EPHA6: variants seen among roughly 807,000 people sequenced by gnomAD.
EPHA6 encodes ephrin type-A receptor 6.
A neutral mutation model predicts 112.0 loss-of-function variants in EPHA6; 50 were observed. That is an observed-to-expected ratio of 0.45 (90% CI 0.36 to 0.56). The LOEUF (loss-of-function observed/expected upper bound fraction) is 0.56. EPHA6 is among the 20% of genes least tolerant of loss of function. The probability of loss-of-function intolerance (pLI) is 0.00; values close to 1 mark genes in which losing one functional copy is unlikely to be tolerated. For synonymous variants in EPHA6, 529 were observed against 490.7 expected, an observed-to-expected ratio of 1.08 and a Z score of -1.03; for missense variants, 1,280 against 1,417.4, an observed-to-expected ratio of 0.90 and a Z score of 1.56.
intron 4 of EPHA6, among the ~76,000 whole-genome samples, chr3:97,237,594 T>A (rs1257134784): frequency 6.6e-6 from 1 of 152,040 alleles, no homozygotes; most frequent in East Asian, 1.9e-4. Context: ...ACAAAACAGA[T>A]CATTATCAAG....
intron 5 of EPHA6, among the ~76,000 whole-genome samples, chr3:97,345,526 A>G (rs929658429): frequency 3.1e-4 from 47 of 152,298 alleles, no homozygotes; most frequent in African/African-American, 1.1e-3. Context: ...TGGGCAAGAA[A>G]TATGAGGGAT....
intron 2 of EPHA6, among the ~76,000 whole-genome samples, chr3:96,956,859 C>T (rs2041782111): frequency 6.6e-6 from 1 of 151,742 alleles, no homozygotes; most frequent in South Asian, 2.1e-4. Context: ...ATGGTGAAAC[C>T]CTGTCTCTAC....
chr3:97,281,216 TGTGTGTGTGTGTGC>T (rs1459775644), intron 5 of EPHA6, among the ~76,000 whole-genome samples: 23 of 142,326 alleles, frequency 1.6e-4, no homozygotes, highest in African/African-American at 6.8e-4. Context: ...TGTGTGTGTG[TGTGTGTGTGTGTGC>T]GCGCGTGTGT....
chr3:97,310,426 G>A (rs914706642), intron 5 of EPHA6, among the ~76,000 whole-genome samples: 1 of 151,292 alleles, frequency 6.6e-6, no homozygotes, highest in African/African-American at 2.4e-5. Context: ...GTATACCTGA[G>A]TCTCGAATAA....
chr3:97,377,908 G>T (rs2085463722), intron 5 of EPHA6, among the ~76,000 whole-genome samples: 2 of 152,142 alleles, frequency 1.3e-5, no homozygotes. Context: ...TGGAAAATTT[G>T]CAGACTGACA....
At chr3:97,281,867 T>C (rs7645861) in intron 5 of EPHA6, among the ~76,000 whole-genome samples, 1,702 of 152,302 alleles carry the variant, frequency 0.011, 30 homozygotes, top group African/African-American at 0.039. Context: ...GGTTGAATTT[T>C]TTTACAGTGT....
intron 14 of EPHA6, among the ~76,000 whole-genome samples, chr3:97,693,792 A>G (rs1184002235): frequency 1.3e-5 from 2 of 152,182 alleles, no homozygotes; most frequent in African/African-American, 2.4e-5. Flanking sequence ...TGGGTGACAG[A>G]GCGAGACTCT....
At chr3:97,660,129 T>G (rs2094160544) in intron 14 of EPHA6, among the ~76,000 whole-genome samples, 1 of 152,022 alleles carries the variant, frequency 6.6e-6, no homozygotes, top group Non-Finnish European at 1.5e-5. Flanking sequence ...TGAAACCCTA[T>G]AAAACATTGA....
chr3:97,714,181 G>T (rs983047696), intron 14 of EPHA6, among the ~76,000 whole-genome samples: 1 of 152,140 alleles, frequency 6.6e-6, no homozygotes, highest in Non-Finnish European at 1.5e-5. Context: ...GAAGCCAAAT[G>T]AGTCCAAAAA....
chr3:97,494,350 T>G (rs1577571072), intron 10 of EPHA6, among the ~76,000 whole-genome samples: 2 of 152,330 alleles, frequency 1.3e-5, no homozygotes, highest in East Asian at 3.9e-4. Flanking sequence ...TAAGTGACAC[T>G]TTCTAACCTG....
chr3:97,238,878 T>C (rs1182221921), intron 4 of EPHA6, among the ~76,000 whole-genome samples: 1 of 151,942 alleles, frequency 6.6e-6, no homozygotes, highest in African/African-American at 2.4e-5. Context: ...AAGACACTTG[T>C]AGACAAAGCT....
At chr3:97,611,014 T>C (rs940093357) in intron 13 of EPHA6, among the ~76,000 whole-genome samples, 160 bp downstream of exon 13, 1 of 151,756 alleles carries the variant, frequency 6.6e-6, no homozygotes, top group Non-Finnish European at 1.5e-5. Context: ...TGTGATACAT[T>C]AGAGTGTTAC....
chr3:97,607,101 A>T (rs1486167802), intron 12 of EPHA6, among the ~76,000 whole-genome samples: 2 of 150,778 alleles, frequency 1.3e-5, no homozygotes, highest in East Asian at 3.9e-4. Flanking sequence ...AATAGAGAAT[A>T]CTACATCCAG....
intron 14 of EPHA6, among the ~76,000 whole-genome samples, chr3:97,651,268 C>T (rs1264597734): frequency 6.6e-6 from 1 of 151,942 alleles, no homozygotes; most frequent in Non-Finnish European, 1.5e-5. Context: ...AAACAATCTT[C>T]AATATATTGC....
intron 5 of EPHA6, among the ~76,000 whole-genome samples, chr3:97,358,166 A>G (rs1006322876): frequency 3.3e-5 from 5 of 151,148 alleles, no homozygotes; most frequent in African/African-American, 7.3e-5. Flanking sequence ...AATTTCCTGC[A>G]TTATTTTCTT....
At chr3:97,518,122 G>T (rs2092476120) in intron 10 of EPHA6, among the ~76,000 whole-genome samples, 2 of 152,108 alleles carry the variant, frequency 1.3e-5, no homozygotes, top group Non-Finnish European at 2.9e-5. Flanking sequence ...AAGTGGGATT[G>T]ATGGATCATA....
At chr3:97,473,840 AT>A (rs1023991739) in intron 7 of EPHA6, among the ~76,000 whole-genome samples, 4 of 151,812 alleles carry the variant, frequency 2.6e-5, no homozygotes, top group Non-Finnish European at 5.9e-5. Context: ...AGATGCAACT[AT>A]TTAACTTGTC....
intron 9 of EPHA6, chr3:97,481,211 AC>A: frequency 8.1e-7 from 1 of 1,237,744 alleles, no homozygotes; most frequent in Non-Finnish European, 1.2e-6. Context: ...GGAAAAGACA[AC>A]CTTTTTCTCC....
At chr3:96,992,092 A>G (rs1342129817) in intron 3 of EPHA6, among the ~76,000 whole-genome samples, 3 of 152,148 alleles carry the variant, frequency 2.0e-5, no homozygotes, top group East Asian at 3.9e-4. Context: ...GCAACTAGCA[A>G]CATGCTAGTT....
Sources: allele counts gnomAD v4.1 joint callset (sites outside exome capture counted in the v4.1 genomes callset), GRCh38; gene constraint gnomAD v4.1.1; transcripts MANE v1.5; gene names NCBI Gene and HGNC (gene_info 2026-07-23, HGNC 2026-07-21).